FYB1: variants seen among roughly 807,000 people sequenced by gnomAD.
The protein encoded by FYB1 is FYN-binding protein 1.
Under a neutral mutation model 94.1 loss-of-function variants are expected in FYB1, and 41 were observed. The observed-to-expected ratio is 0.44, with a 90% CI of 0.34 to 0.57. The LOEUF (loss-of-function observed/expected upper bound fraction) is 0.57, where lower values mean the gene tolerates loss of function less well. Among genes scored for constraint, FYB1 ranks in the 20% least tolerant of loss-of-function variants. FYB1 has a pLI of 0.02. For synonymous variants in FYB1, 367 were observed against 353.2 expected, an observed-to-expected ratio of 1.04 and a Z score of -0.44; for missense variants, 1,050 against 976.8, an observed-to-expected ratio of 1.07 and a Z score of -1.00.
chr5:39,234,907 G>A (rs1341573832), intron 1 of FYB1, among the ~76,000 whole-genome samples: 6 of 151,974 alleles, frequency 3.9e-5, no homozygotes, highest in African/African-American at 9.7e-5. Flanking sequence ...GGGGGCAAGG[G>A]GTGGGATAGT....
intron 7 of FYB1, among the ~76,000 whole-genome samples, chr5:39,135,472 G>A (rs1481882804): frequency 6.6e-6 from 1 of 152,198 alleles, no homozygotes; most frequent in Non-Finnish European, 1.5e-5. Context: ...TCAGAAATAA[G>A]CTTGTAAATC....
At chr5:39,153,135 T>A (rs1238320322) in intron 3 of FYB1, among the ~76,000 whole-genome samples, 2 of 152,134 alleles carry the variant, frequency 1.3e-5, no homozygotes. Context: ...ATGTTGATAG[T>A]GGAGGAGTTG....
chr5:39,265,035 A>T lies in FYB1; in HGVS notation c.-28+9368T>A, dbSNP rs529013238. ...CAGCGTCAGCCTCATCTGAGAACTTATTAGAAATGCACATTTTTGGCCGGG... is the reference window on the plus strand; with the variant it reads ...CAGCGTCAGCCTCATCTGAGAACTTTTTAGAAATGCACATTTTTGGCCGGG... On this transcript the variant is annotated intron_variant, in intron 1 of 1. Transcript: ENST00000510188. Among the ~76,000 whole-genome samples, 150 of 151,918 alleles carry T rather than the reference A, an allele frequency of 9.9e-4. 3 individuals are homozygous for T. The highest frequency in any genetic ancestry group is 3.4e-3 in the African/African-American group (142 of 41,188).
chr5:39,131,981 A>T (rs558591537), intron 9 of FYB1, among the ~76,000 whole-genome samples: 1 of 152,324 alleles, frequency 6.6e-6, no homozygotes, highest in South Asian at 2.1e-4. Context: ...CGAGAGGGAG[A>T]GAGAGAGATA....
chr5:39,193,036 A>G (rs1431907335), intron 2 of FYB1, among the ~76,000 whole-genome samples: 6 of 152,144 alleles, frequency 3.9e-5, no homozygotes, highest in African/African-American at 1.2e-4. Context: ...AGGTTAGGAG[A>G]GGGCAGACTC....
chr5:39,171,861 T>A (rs1006913258), intron 2 of FYB1, among the ~76,000 whole-genome samples: 1 of 152,106 alleles, frequency 6.6e-6, no homozygotes, highest in East Asian at 1.9e-4. Flanking sequence ...TAAGAGAACC[T>A]GGGGATTGTA....
intron 7 of FYB1, 78 bp downstream of exon 7, chr5:39,137,522 T>C: frequency 6.8e-7 from 1 of 1,465,870 alleles, no homozygotes; most frequent in Non-Finnish European, 9.1e-7. Context: ...CTATGTAAGT[T>C]TTCAAGAATG....
chr5:39,273,160 G>A (rs55654255), intron 1 of FYB1, among the ~76,000 whole-genome samples: 13,654 of 152,186 alleles, frequency 0.09, 647 homozygotes, highest in Non-Finnish European at 0.11. Flanking sequence ...AGCTCATTGA[G>A]AACGGGCCAT....
intron 1 of FYB1, among the ~76,000 whole-genome samples, chr5:39,210,280 G>A (rs1006194410): frequency 6.6e-6 from 1 of 152,324 alleles, no homozygotes; most frequent in South Asian, 2.1e-4. Context: ...GGACTTTCTG[G>A]GTGGTGTGTG....
chr5:39,214,812 C>T (rs1463386724), intron 1 of FYB1, among the ~76,000 whole-genome samples: 10 of 152,094 alleles, frequency 6.6e-5, no homozygotes, highest in Admixed American at 3.3e-4. Flanking sequence ...CCTGTAATCC[C>T]AGGTTACTTG....
chr5:39,122,303 A>C, intron 14 of FYB1, 33 bp downstream of exon 14: 1 of 1,367,942 alleles, frequency 7.3e-7, no homozygotes, highest in Admixed American at 2.0e-5. Flanking sequence ...TCTCATTTTC[A>C]TTACTTCATT....
chr5:39,114,681 T>C (rs1739366879), intron 16 of FYB1, among the ~76,000 whole-genome samples: 1 of 152,156 alleles, frequency 6.6e-6, no homozygotes, highest in Admixed American at 6.5e-5. Flanking sequence ...AAGGAGAGAA[T>C]GTCTGTCTTC....
chr5:39,193,214 C>G (rs1461206027), intron 2 of FYB1, among the ~76,000 whole-genome samples: 2 of 152,022 alleles, frequency 1.3e-5, no homozygotes, highest in African/African-American at 2.4e-5. Flanking sequence ...GGTGGGCACT[C>G]AATGCATGTT....
chr5:39,220,381 T>A, upstream of FYB1, among the ~76,000 whole-genome samples: 1 of 135,358 alleles, frequency 7.4e-6, no homozygotes, highest in East Asian at 2.1e-4. Context: ...ACCATTGCAC[T>A]CCAGCCTGGG....
At chr5:39,214,766 A>G (rs10941426) in intron 1 of FYB1, among the ~76,000 whole-genome samples, 97,754 of 152,022 alleles carry the variant, frequency 0.64, 35,560 homozygotes, top group Non-Finnish European at 0.82. Flanking sequence ...CATCTCTACT[A>G]AAAATACAAA....
intron 10 of FYB1, among the ~76,000 whole-genome samples, chr5:39,128,064 G>A (rs1310411588): frequency 1.3e-5 from 2 of 152,016 alleles, no homozygotes; most frequent in East Asian, 3.8e-4. Flanking sequence ...ATGAGAAAAA[G>A]TAAACTTAAA....
chr5:39,194,804 C>G (rs1228832846), intron 2 of FYB1, among the ~76,000 whole-genome samples: 1 of 152,132 alleles, frequency 6.6e-6, no homozygotes, highest in African/African-American at 2.4e-5. Flanking sequence ...AGGTAAGCTG[C>G]CTGATTAATA....
chr5:39,232,922 A>T (rs1750810548), intron 1 of FYB1, among the ~76,000 whole-genome samples: 1 of 152,080 alleles, frequency 6.6e-6, no homozygotes, highest in African/African-American at 2.4e-5. Context: ...GCTGCATAGT[A>T]TTCCAGGGTG....
At position 39,132,863 on chromosome 5, in the gene FYB1, G is replaced by T. The variant is rs527456660; in HGVS notation, c.1817+1345C>A. On this transcript the variant is annotated intron_variant, in intron 9 of 18. Coordinates refer to ENST00000512982, the MANE Select transcript of FYB1 (RefSeq NM_001465.6). ...TGCTTGACATAGTCATGAAAATTCT[G>T]TAAGTTACAGAATGTGACGATTTGG... 4.6e-5 allele frequency among the ~76,000 whole-genome samples: 7 copies of T among 152,268 alleles called. No individual in the cohort carries two copies. The East Asian group carries it at 1.4e-3, about 29-fold the overall frequency.
Sources: allele counts gnomAD v4.1 joint callset (sites outside exome capture counted in the v4.1 genomes callset), GRCh38; gene constraint gnomAD v4.1.1; transcripts MANE v1.5; gene names NCBI Gene and HGNC (gene_info 2026-07-23, HGNC 2026-07-21).